PAK5: variants seen among roughly 807,000 people sequenced by gnomAD.
The protein encoded by PAK5 is serine/threonine-protein kinase PAK 5.
PAK5 carries 16 observed loss-of-function variants against 65.9 expected under a neutral mutation model. That is an observed-to-expected ratio of 0.24 (90% CI 0.16 to 0.37). PAK5 has a LOEUF of 0.37. PAK5 is among the 10% of genes least tolerant of loss of function. The probability of loss-of-function intolerance (pLI) is 1.00; values close to 1 mark genes in which losing one functional copy is unlikely to be tolerated. For synonymous variants in PAK5, 371 were observed against 354.9 expected, an observed-to-expected ratio of 1.05 and a Z score of -0.51; for missense variants, 785 against 903.9, an observed-to-expected ratio of 0.87 and a Z score of 1.69.
At chr20:9,781,688 G>A (rs907883456) in intron 1 of PAK5, among the ~76,000 whole-genome samples, 4 of 139,692 alleles carry the variant, frequency 2.9e-5, no homozygotes, top group African/African-American at 8.4e-5. Context: ...TTTAGTTCTC[G>A]TGCCAAGAAC....
intron 1 of PAK5, among the ~76,000 whole-genome samples, chr20:9,741,637 T>A (rs1007504427): frequency 1.3e-5 from 2 of 152,146 alleles, no homozygotes; most frequent in Non-Finnish European, 2.9e-5. Flanking sequence ...AGAGGGTTAT[T>A]CTGAGGAGAA....
At chr20:9,677,629 C>T (rs1268020447) in intron 2 of PAK5, among the ~76,000 whole-genome samples, 1 of 152,192 alleles carries the variant, frequency 6.6e-6, no homozygotes, top group Non-Finnish European at 1.5e-5. Context: ...TAACCTCATC[C>T]AGAATGGCTA....
At chr20:9,649,422 A>G (rs904262574) in intron 2 of PAK5, among the ~76,000 whole-genome samples, 2 of 152,216 alleles carry the variant, frequency 1.3e-5, no homozygotes, top group African/African-American at 4.8e-5. Context: ...ATGTTCTTCT[A>G]TGAAATATAA....
chr20:9,703,621 C>T (rs907384887), intron 2 of PAK5, among the ~76,000 whole-genome samples: 5 of 152,122 alleles, frequency 3.3e-5, no homozygotes, highest in Non-Finnish European at 5.9e-5. Context: ...CCACTGGACT[C>T]TCTCCCCTGT....
intron 5 of PAK5, among the ~76,000 whole-genome samples, chr20:9,565,318 T>G (rs1425967951): frequency 2.0e-5 from 3 of 152,226 alleles, no homozygotes; most frequent in Non-Finnish European, 4.4e-5. Context: ...GGACATTTTC[T>G]TTACTTTCCA....
intron 1 of PAK5, among the ~76,000 whole-genome samples, chr20:9,831,251 C>A (rs1003390977): frequency 1.3e-5 from 2 of 152,176 alleles, no homozygotes; most frequent in Non-Finnish European, 2.9e-5. Context: ...GATTCCCCAT[C>A]CCCCGCCACA....
intron 1 of PAK5, among the ~76,000 whole-genome samples, chr20:9,791,352 T>G (rs113517564): frequency 0.039 from 5,901 of 152,160 alleles, 176 homozygotes; most frequent in East Asian, 0.12. Flanking sequence ...TTTGAAGTTG[T>G]AGGAAAAGAC....
intron 1 of PAK5, among the ~76,000 whole-genome samples, chr20:9,828,867 T>A (rs1439629922): frequency 1.3e-5 from 2 of 152,206 alleles, no homozygotes; most frequent in Admixed American, 6.5e-5. Context: ...TTCTCTCCCT[T>A]CTTCCTTTCC....
chr20:9,665,350 A>C (rs544050569), intron 2 of PAK5, among the ~76,000 whole-genome samples: 1 of 152,236 alleles, frequency 6.6e-6, no homozygotes, highest in East Asian at 1.9e-4. Flanking sequence ...CCCTGGGCCC[A>C]CAAATCCATT....
At chr20:9,699,784 G>GT (rs2047916865) in intron 2 of PAK5, among the ~76,000 whole-genome samples, 1 of 152,012 alleles carries the variant, frequency 6.6e-6, no homozygotes, top group African/African-American at 2.4e-5. Context: ...GGGAATCAGA[G>GT]TGCCTTCCTC....
intron 1 of PAK5, among the ~76,000 whole-genome samples, chr20:9,813,492 A>T (rs2049321553): frequency 6.6e-6 from 1 of 152,204 alleles, no homozygotes; most frequent in African/African-American, 2.4e-5. Flanking sequence ...ACATAGTTTT[A>T]AGTAATACAG....
intron 2 of PAK5, among the ~76,000 whole-genome samples, chr20:9,665,648 A>ATTTCT (rs925130286): frequency 6.8e-6 from 1 of 146,756 alleles, no homozygotes; most frequent in Non-Finnish European, 1.5e-5. Context: ...AGGTCTCAAT[A>ATTTCT]TTTCTTTTCT....
At chr20:9,808,168 A>T (rs971808446) in intron 1 of PAK5, among the ~76,000 whole-genome samples, 1 of 152,176 alleles carries the variant, frequency 6.6e-6, no homozygotes, top group Admixed American at 6.5e-5. Flanking sequence ...ACACAATGAT[A>T]AGCAAAGTAA....
At chr20:9,578,763 T>TTAA (rs1380950711) in intron 4 of PAK5, among the ~76,000 whole-genome samples, 1 of 152,140 alleles carries the variant, frequency 6.6e-6, no homozygotes, top group African/African-American at 2.4e-5. Context: ...ATTTTGCTTG[T>TTAA]GGTTAATTAG....
chr20:9,543,789 C>T (rs780918457), intron 8 of PAK5, among the ~76,000 whole-genome samples: 1 of 152,148 alleles, frequency 6.6e-6, no homozygotes, highest in Non-Finnish European at 1.5e-5. Context: ...TGCATTTTCA[C>T]ATTTCCAGGC....
chr20:9,629,147 C>T (rs922702463), intron 3 of PAK5, among the ~76,000 whole-genome samples: 2 of 152,102 alleles, frequency 1.3e-5, no homozygotes, highest in African/African-American at 4.8e-5. Context: ...GGAATGTAGC[C>T]CAGCTGACAC....
At chr20:9,788,180 A>C (rs2049013556) in intron 1 of PAK5, among the ~76,000 whole-genome samples, 1 of 152,160 alleles carries the variant, frequency 6.6e-6, no homozygotes. Context: ...TGTAATGTGC[A>C]GAAAATCCTA....
In PAK5 at chr20:9,565,930, A is replaced by G. The variant is rs2045668717; in HGVS notation, c.1445T>C (p.Leu482Pro). 4 of 1,613,314 alleles carry G rather than the reference A, an allele frequency of 2.5e-6. No individual in the cohort carries two copies. The highest frequency in any genetic ancestry group is 3.4e-6 in the Non-Finnish European group (4 of 1,179,742). The change falls in exon 5 of 10, where the codon CTC (leucine) becomes CCC (proline). Residue 482 changes from leucine to proline, a missense_variant. Leu to Pro is a moderately conservative substitution (Grantham distance 98). Transcript: ENST00000353224. The part of the protein sequence containing the change: ...GKQVAVKKMD[L>P]RKQQRRELLF... Reference sequence around the variant, plus strand: ...CAGTTCTCGTCTCTGTTGCTTCCGGAGGTCCATTTTCTTCACTGCAACTTG... The same window carrying G: ...CAGTTCTCGTCTCTGTTGCTTCCGGGGGTCCATTTTCTTCACTGCAACTTG...
intron 1 of PAK5, among the ~76,000 whole-genome samples, chr20:9,751,560 G>A (rs937120734): frequency 6.6e-6 from 1 of 152,100 alleles, no homozygotes; most frequent in Non-Finnish European, 1.5e-5. Flanking sequence ...TGGAAAACGA[G>A]GCTCTGAACA....
Sources: allele counts gnomAD v4.1 joint callset (sites outside exome capture counted in the v4.1 genomes callset), GRCh38; gene constraint gnomAD v4.1.1; transcripts MANE v1.5; gene names NCBI Gene and HGNC (gene_info 2026-07-23, HGNC 2026-07-21).